Variants in GSTCD observed in about 807,000 individuals in gnomAD.
The protein encoded by GSTCD is glutathione S-transferase C-terminal domain-containing protein.
A neutral mutation model predicts 68.3 loss-of-function variants in GSTCD; 44 were observed. The observed-to-expected ratio is 0.64, with a 90% CI of 0.51 to 0.83. The LOEUF is 0.83. Ranked by LOEUF, GSTCD falls within the 40% of genes least tolerant of loss-of-function variation. The pLI, the probability that GSTCD is intolerant of heterozygous loss-of-function variation, is 0.00. For missense variants in GSTCD, 739 were observed against 735.9 expected, an observed-to-expected ratio of 1.00 and a Z score of -0.05; for synonymous variants, 273 against 255.2, an observed-to-expected ratio of 1.07 and a Z score of -0.67.
chr4:105,743,104 C>T (rs962156084), intron 5 of GSTCD, among the ~76,000 whole-genome samples: 26 of 151,928 alleles, frequency 1.7e-4, no homozygotes, highest in African/African-American at 6.0e-4. Context: ...CGCCCGCCAC[C>T]ACGCCTGGCT....
At chr4:105,783,267 T>C (rs1032121756) in intron 5 of GSTCD, among the ~76,000 whole-genome samples, 1 of 152,218 alleles carries the variant, frequency 6.6e-6, no homozygotes, top group Admixed American at 6.5e-5. Flanking sequence ...GCTTCTTTTT[T>C]TGTTTCCATT....
chr4:105,751,378 G>C (rs1734004723), intron 5 of GSTCD, among the ~76,000 whole-genome samples: 1 of 152,106 alleles, frequency 6.6e-6, no homozygotes, highest in African/African-American at 2.4e-5. Context: ...TGGGGAGATG[G>C]ATTGTAAATC....
At chr4:105,757,080 G>C (rs1464843663) in intron 5 of GSTCD, among the ~76,000 whole-genome samples, 1 of 152,102 alleles carries the variant, frequency 6.6e-6, no homozygotes, top group African/African-American at 2.4e-5. Flanking sequence ...AAATGTTTTG[G>C]AAGAGTAGTT....
chr4:105,710,386 CCTT>C (rs1408202017), intron 1 of GSTCD, among the ~76,000 whole-genome samples: 2 of 145,788 alleles, frequency 1.4e-5, no homozygotes, highest in African/African-American at 5.0e-5. Flanking sequence ...ACACTCGGCT[CCTT>C]TTTTTTTTTT....
At chr4:105,718,959 A>C in intron 2 of GSTCD, 101 bp from the exon 3 acceptor site, 1 of 863,688 alleles carries the variant, frequency 1.2e-6, no homozygotes, top group Non-Finnish European at 1.8e-6. Context: ...CCCAGGGATG[A>C]TTGAGCTCAA....
At chr4:105,777,046 T>C (rs1018345536) in intron 5 of GSTCD, among the ~76,000 whole-genome samples, 3 of 152,186 alleles carry the variant, frequency 2.0e-5, no homozygotes, top group African/African-American at 7.2e-5. Flanking sequence ...TGAGCATCTG[T>C]TCTGGAATGG....
chr4:105,747,679 G>A (rs1243077031), intron 5 of GSTCD, among the ~76,000 whole-genome samples: 6 of 151,984 alleles, frequency 3.9e-5, no homozygotes, highest in African/African-American at 1.5e-4. Flanking sequence ...GTCTATTTTA[G>A]ACCAGTTATA....
chr4:105,844,143 A>G (rs769113774), intron 11 of GSTCD, among the ~76,000 whole-genome samples: 4 of 152,210 alleles, frequency 2.6e-5, no homozygotes, highest in Non-Finnish European at 4.4e-5. Flanking sequence ...GATGAGCTCA[A>G]TGTAAACCCT....
intron 4 of GSTCD, among the ~76,000 whole-genome samples, chr4:105,728,621 T>C (rs1040063085): frequency 6.6e-6 from 1 of 151,102 alleles, no homozygotes; most frequent in Non-Finnish European, 1.5e-5. Flanking sequence ...AGATTTTTAT[T>C]TGAATAGGTT....
chr4:105,846,191 G>A lies in GSTCD; in HGVS notation c.*614G>A, dbSNP rs1281051856. ...CCCAGCACTTTGAGAGGCCAAGGTG[G>A]GAGGATCATTTGAGCCCAGGATATC... On this transcript the variant is annotated 3_prime_UTR_variant, in exon 12 of 12. Transcript: ENST00000515279. 1 of 152,022 alleles carries A rather than the reference G, an allele frequency of 6.6e-6. No homozygotes were observed. The highest frequency in any genetic ancestry group is 2.4e-5 in the African/African-American group (1 of 41,338). The allele number at this position is 152,022 out of a possible 1,614,324, so 9.4% of individuals were successfully genotyped here.
At chr4:105,742,918 G>A (rs969339108) in intron 5 of GSTCD, among the ~76,000 whole-genome samples, 3 of 148,312 alleles carry the variant, frequency 2.0e-5, no homozygotes, top group African/African-American at 7.5e-5. Context: ...GTCACACTGT[G>A]TTGCCTAGGC....
At chr4:105,717,553 T>G (rs547634711) in intron 1 of GSTCD, 40 bp from the exon 2 acceptor site, 296 of 1,196,996 alleles carry the variant, frequency 2.5e-4, no homozygotes, top group Non-Finnish European at 3.3e-4. Context: ...TTCTAAATGA[T>G]TATATTCTAA....
rs1246651990 is a variant in GSTCD, at chr4:105,842,072, T to C, written c.1703T>C (p.Met568Thr). Residue 568 changes from methionine (M) to threonine (T), a missense_variant, in exon 11 of 12, where the codon ATG (methionine) becomes ACG (threonine). Transcript: ENST00000515279. ...TATTGCTTTTTCTTTTAGGAACACA[T>C]GATTCTGTGCAGATTTGCAGACCAG... ...FKKTLSYKEH[M>T]ILCRFADQTA... 1.9e-5 allele frequency: 30 copies of C among 1,613,398 alleles called. No homozygotes were observed. The highest frequency in any genetic ancestry group is 2.4e-5 in the Non-Finnish European group (28 of 1,179,446).
intron 5 of GSTCD, among the ~76,000 whole-genome samples, chr4:105,774,463 T>C (rs1734976222): frequency 6.6e-6 from 1 of 152,218 alleles, no homozygotes; most frequent in African/African-American, 2.4e-5. Context: ...CTTCACAATT[T>C]CGTATGTTTT....
chr4:105,771,327 C>G (rs1734839231), intron 5 of GSTCD, among the ~76,000 whole-genome samples: 2 of 152,006 alleles, frequency 1.3e-5, no homozygotes, highest in South Asian at 4.1e-4. Flanking sequence ...GTTGCCTATT[C>G]ACTCTGATGA....
intron 1 of GSTCD, among the ~76,000 whole-genome samples, chr4:105,715,967 T>C (rs1279145971): frequency 6.6e-6 from 1 of 152,118 alleles, no homozygotes; most frequent in Non-Finnish European, 1.5e-5. Context: ...GACAGGACAA[T>C]TGATAAAAAC....
intron 5 of GSTCD, among the ~76,000 whole-genome samples, chr4:105,776,386 G>GA (rs1170876366): frequency 6.6e-6 from 1 of 151,980 alleles, no homozygotes; most frequent in African/African-American, 2.4e-5. Context: ...ACTGGGGTAT[G>GA]AAAAAAAACT....
At chr4:105,837,371 C>A (rs1724165539) in intron 9 of GSTCD, among the ~76,000 whole-genome samples, 1 of 152,188 alleles carries the variant, frequency 6.6e-6, no homozygotes, top group Non-Finnish European at 1.5e-5. Flanking sequence ...TTCAAACTAG[C>A]CACTCCCAAG....
chr4:105,776,277 G>A (rs1578465301), intron 5 of GSTCD, among the ~76,000 whole-genome samples: 1 of 152,284 alleles, frequency 6.6e-6, no homozygotes. Flanking sequence ...GCTGGGCTCT[G>A]TGGGGGTGGA....
Sources: allele counts gnomAD v4.1 joint callset (sites outside exome capture counted in the v4.1 genomes callset), GRCh38; gene constraint gnomAD v4.1.1; transcripts MANE v1.5; gene names NCBI Gene and HGNC (gene_info 2026-07-23, HGNC 2026-07-21).